The following PIAS2 variants were observed in gnomAD, a reference collection of about 807,000 sequenced individuals.
PIAS2 encodes the protein E3 SUMO-protein ligase PIAS2.
Under a neutral mutation model 69.7 loss-of-function variants are expected in PIAS2, and 19 were observed. The ratio of observed to expected loss-of-function variants is 0.27; its 90% CI spans 0.19 to 0.40. The LOEUF is 0.40. PIAS2 is among the 10% of genes least tolerant of loss of function. The pLI, the probability that PIAS2 is intolerant of heterozygous loss-of-function variation, is 1.00. For missense variants in PIAS2, 624 were observed against 757.0 expected (o/e 0.82, Z 2.06); for synonymous variants, 261 against 263.2 (o/e 0.99, Z 0.08).
Position 46,812,105 on chromosome 18 carries a change from T to C in PIAS2, c.*328A>G, listed in dbSNP as rs2041039688. Reference sequence around the variant, plus strand: ...TTACTTGAATATTTACATAATTTTATTGCTCTTTATTTTAACAAAAACTTT... The same window carrying C: ...TTACTTGAATATTTACATAATTTTACTGCTCTTTATTTTAACAAAAACTTT... On this transcript the variant is annotated 3_prime_UTR_variant, in exon 14 of 14. Coordinates refer to ENST00000585916, the MANE Select transcript of PIAS2 (RefSeq NM_004671.5). 1 of 171,088 alleles carries C rather than the reference T, an allele frequency of 5.8e-6. No individual in the cohort carries two copies. Among genetic ancestry groups the C allele is most frequent in the Non-Finnish European group, 1.2e-5 (1 of 80,440 alleles). The allele number at this position is 171,088 out of a possible 1,614,324, so 10.6% of individuals were successfully genotyped here. A position where few individuals can be genotyped will look rare whatever the true frequency, so the allele number is the denominator to read the frequency against.
At chr18:46,900,604 G>A (rs2055667135) in intron 1 of PIAS2, among the ~76,000 whole-genome samples, 1 of 152,166 alleles carries the variant, frequency 6.6e-6, no homozygotes. Flanking sequence ...CTGGGCCCAG[G>A]AGTTTGAGGC....
At chr18:46,873,215 G>A (rs540047240) in intron 2 of PIAS2, among the ~76,000 whole-genome samples, 2 of 152,202 alleles carry the variant, frequency 1.3e-5, no homozygotes, top group African/African-American at 4.8e-5. Flanking sequence ...CCGACTCAAG[G>A]ATTTTAAAGT....
intron 9 of PIAS2, among the ~76,000 whole-genome samples, chr18:46,831,791 T>C (rs1465956175): frequency 6.6e-6 from 1 of 152,150 alleles, no homozygotes; most frequent in East Asian, 1.9e-4. Flanking sequence ...TCTTACACCA[T>C]ACATAAAAAT....
chr18:46,805,305 C>G lies in PIAS2; in HGVS notation c.*7128G>C, dbSNP rs1353265682. 6.6e-6 allele frequency: 1 copy of G among 152,188 alleles called. No homozygotes were observed. The highest frequency in any genetic ancestry group is 1.5e-5 in the Non-Finnish European group (1 of 68,050). 9.4% of individuals were successfully genotyped at this position (152,188 alleles called of 1,614,324 possible). ...AAGCGTGGTTCAGTAGACGAAAATG[C>G]TGGAGGTAAAGTAACCAATACCTCA... On this transcript the variant is annotated 3_prime_UTR_variant, in exon 14 of 14. Coordinates refer to ENST00000585916, the MANE Select transcript of PIAS2 (RefSeq NM_004671.5).
chr18:46,904,753 T>C (rs2056367976), intron 1 of PIAS2, among the ~76,000 whole-genome samples: 2 of 114,296 alleles, frequency 1.7e-5, no homozygotes, highest in Non-Finnish European at 3.8e-5. Flanking sequence ...TCCATCCGTC[T>C]CAAAAAAAAA....
At chr18:46,870,273 G>A (rs371957263) in intron 2 of PIAS2, among the ~76,000 whole-genome samples, 14 of 150,970 alleles carry the variant, frequency 9.3e-5, no homozygotes, top group African/African-American at 2.2e-4. Flanking sequence ...AGAAGGAATC[G>A]GCTTTGTAAA....
intron 8 of PIAS2, 42 bp from the exon 9 acceptor site, chr18:46,836,559 G>GA (rs774231960): frequency 8.5e-5 from 129 of 1,514,006 alleles, no homozygotes; most frequent in Non-Finnish European, 1.1e-4. Flanking sequence ...TCAGAAAGGA[G>GA]AATGAGCTCA....
At chr18:46,883,372 A>T (rs1217440918) in intron 2 of PIAS2, among the ~76,000 whole-genome samples, 1 of 152,224 alleles carries the variant, frequency 6.6e-6, no homozygotes, top group Non-Finnish European at 1.5e-5. Context: ...GCATATAAAC[A>T]GCGAACAAAG....
rs745820167 is a variant in PIAS2, at chr18:46,827,965, G to A, written c.1502C>T (p.Thr501Ile). Residue 501 changes from threonine to isoleucine, a missense_variant, in exon 11 of 14, where the codon ACC becomes ATC. Physicochemically the swap from Thr to Ile is moderately conservative, Grantham distance 89 (BLOSUM62 -1). This residue lies in a region of PIAS2 where 241 missense variants were observed against 257.3 expected (regional missense o/e 0.94). Transcript: ENST00000585916. ...GAACTATAAATTAACAAACCCTTTG[G>A]TTGGGCTGCTTTGTGTTTCTGACAT... Reference protein sequence around the residue: ...IFMSETQSSPTKGVLMYQPSS... With the variant: ...IFMSETQSSPIKGVLMYQPSS... 1.2e-6 allele frequency: 2 copies of A among 1,613,326 alleles called. No individual in the cohort carries two copies. Among genetic ancestry groups the A allele is most frequent in the African/African-American group, 1.3e-5 (1 of 74,888 alleles).
At chr18:46,852,144 G>T (rs1167596347) in intron 5 of PIAS2, among the ~76,000 whole-genome samples, 1 of 152,146 alleles carries the variant, frequency 6.6e-6, no homozygotes, top group African/African-American at 2.4e-5. Flanking sequence ...CTTAAAAACT[G>T]CAGAATCTTG....
chr18:46,840,894 T>C (rs1346193123), intron 8 of PIAS2, among the ~76,000 whole-genome samples: 1 of 152,146 alleles, frequency 6.6e-6, no homozygotes, highest in African/African-American at 2.4e-5. Context: ...TGTAGACTAA[T>C]TACTACCAAT....
chr18:46,815,729 T>G (rs1199316846), intron 12 of PIAS2: 6 of 1,002,468 alleles, frequency 6.0e-6, no homozygotes, highest in Non-Finnish European at 7.1e-6. Context: ...TTAAGATATT[T>G]CACATTTATT....
At chr18:46,836,881 A>C (rs1388289533) in intron 8 of PIAS2, among the ~76,000 whole-genome samples, 1 of 152,154 alleles carries the variant, frequency 6.6e-6, no homozygotes, top group Non-Finnish European at 1.5e-5. Context: ...GTGTATTTAA[A>C]GAAATATTTT....
intron 12 of PIAS2, chr18:46,818,365 T>C: frequency 6.5e-7 from 1 of 1,538,690 alleles, no homozygotes; most frequent in Non-Finnish European, 8.7e-7. Context: ...AATTATTTGT[T>C]TTATTTTGTA....
chr18:46,900,828 G>C (rs969503908), intron 1 of PIAS2, among the ~76,000 whole-genome samples: 2 of 151,536 alleles, frequency 1.3e-5, no homozygotes, highest in Non-Finnish European at 2.9e-5. Context: ...ACAAAAATTA[G>C]CTGGGCCCGG....
At chr18:46,906,633 G>C (rs2146238368) in intron 1 of PIAS2, among the ~76,000 whole-genome samples, 1 of 152,158 alleles carries the variant, frequency 6.6e-6, no homozygotes, top group African/African-American at 2.4e-5. Context: ...ATTGAAAGAT[G>C]TTGTAAAAAA....
At chr18:46,816,059 T>C in intron 12 of PIAS2, 1 of 984,552 alleles carries the variant, frequency 1.0e-6, no homozygotes, top group Middle Eastern at 5.2e-4. Context: ...CTGAAAAGTC[T>C]AGTAATAAAC....
intron 1 of PIAS2, chr18:46,901,365 T>C (rs2055834150): frequency 1.8e-5 from 4 of 217,116 alleles, no homozygotes; most frequent in Admixed American, 5.7e-5. Flanking sequence ...GCCAGGATCA[T>C]GCCATTGCAC....
chr18:46,823,005 A>C (rs890745176), intron 11 of PIAS2, among the ~76,000 whole-genome samples: 1 of 150,934 alleles, frequency 6.6e-6, no homozygotes, highest in African/African-American at 2.4e-5. Flanking sequence ...TGGGAGGCCA[A>C]GGCAGGAGGA....
Sources: gnomAD v4.1 joint callset for allele counts (sites outside exome capture counted in the v4.1 genomes callset) on GRCh38, gnomAD v4.1.1 for gene constraint, gnomAD v4.1.1 regional missense constraint, MANE v1.5 for transcripts, NCBI Gene and HGNC (gene_info 2026-07-23, HGNC 2026-07-21) for gene names.